Variants in PCDHA10 observed in about 807,000 individuals in gnomAD.
PCDHA10 encodes protocadherin alpha 10, also known as protocadherin alpha-10.
PCDHA10 carries 45 observed loss-of-function variants against 61.2 expected under a neutral mutation model. That is an observed-to-expected ratio of 0.74 (90% CI 0.58 to 0.94). The LOEUF (loss-of-function observed/expected upper bound fraction) is 0.94. Ranked by LOEUF, PCDHA10 falls within the 40% of genes least tolerant of loss-of-function variation. The pLI, the probability that PCDHA10 is intolerant of heterozygous loss-of-function variation, is 0.00. For synonymous variants in PCDHA10, 602 were observed against 548.8 expected, an observed-to-expected ratio of 1.10 and a Z score of -1.35; for missense variants, 1,278 against 1,236.2, an observed-to-expected ratio of 1.03 and a Z score of -0.51.
intron 1 of PCDHA10, chr5:140,926,634 T>C (rs2083423230): frequency 6.8e-6 from 3 of 438,778 alleles, no homozygotes; most frequent in Non-Finnish European, 1.2e-5. Context: ...GCTGCGCTCC[T>C]CAACACCCGG....
intron 1 of PCDHA10, among the ~76,000 whole-genome samples, chr5:140,939,940 C>G (rs1438905083): frequency 6.6e-6 from 1 of 152,140 alleles, no homozygotes; most frequent in Non-Finnish European, 1.5e-5. Context: ...TTATCAGTTA[C>G]TGAGAAAATT....
intron 1 of PCDHA10, among the ~76,000 whole-genome samples, chr5:140,901,632 G>A (rs768343428): frequency 6.6e-5 from 10 of 152,172 alleles, no homozygotes; most frequent in Non-Finnish European, 1.3e-4. Flanking sequence ...GTCAGGTAAT[G>A]TGATTCTTCC....
chr5:140,974,302 C>G (rs782329639), intron 1 of PCDHA10, among the ~76,000 whole-genome samples: 1 of 152,176 alleles, frequency 6.6e-6, no homozygotes, highest in Non-Finnish European at 1.5e-5. Flanking sequence ...GGAGGTACAA[C>G]TGTGAGTGAG....
At chr5:140,876,061 C>T (rs782151232) in intron 1 of PCDHA10, 17 of 1,613,778 alleles carry the variant, frequency 1.1e-5, no homozygotes, top group African/African-American at 1.3e-5. Context: ...ATTAGTTCTT[C>T]GGAAGTTATT....
In PCDHA10 at chr5:140,857,764, G is replaced by T. The variant is rs552891884; in HGVS notation, c.1716G>T (p.Ala572=). The change falls in exon 1 of 4, where the codon GCG becomes GCT. Residue 572 remains alanine, a synonymous_variant. Transcript: ENST00000307360. ...PALLASPAGS[A]GGAVSELVLR... is the part of the protein sequence containing the mutation. ...TGCTGGCGTCTCCCGCTGGCAGCGC[G>T]GGCGGTGCAGTCAGTGAGCTGGTGC... 6.3e-7 allele frequency: 1 copy of T among 1,597,520 alleles called. No homozygotes were observed. The highest frequency in any genetic ancestry group is 8.6e-7 in the Non-Finnish European group (1 of 1,167,634).
intron 3 of PCDHA10, among the ~76,000 whole-genome samples, chr5:140,993,470 ACAC>A: frequency 8.7e-6 from 1 of 115,268 alleles, no homozygotes; most frequent in South Asian, 2.9e-4. Context: ...TCTCACACAC[ACAC>A]ACACACACAC....
At chr5:140,867,196 T>G (rs2049814377) in intron 1 of PCDHA10, 1 of 152,086 alleles carries the variant, frequency 6.6e-6, no homozygotes, top group Non-Finnish European at 1.5e-5. Context: ...AGACTCCACA[T>G]TCCATGTAAC....
rs371718634 is a variant in PCDHA10, at chr5:140,884,469, C to G, written c.2388+26033C>G. ...CCGCCCACCGAGGGCGCGTGCGCGCCGGGCAAGCCCACTCTAGTGTGCTCC... is the reference window on the plus strand; with the variant it reads ...CCGCCCACCGAGGGCGCGTGCGCGCGGGGCAAGCCCACTCTAGTGTGCTCC... On this transcript the variant is annotated intron_variant, in intron 1 of 3. Coordinates refer to ENST00000307360, the MANE Select transcript of PCDHA10 (RefSeq NM_018901.4). 7.7e-5 allele frequency: 124 copies of G among 1,613,648 alleles called. 1 individual carries two copies. The highest frequency in any genetic ancestry group is 9.6e-5 in the Non-Finnish European group (113 of 1,179,828).
intron 1 of PCDHA10, chr5:140,969,351 G>T: frequency 6.2e-7 from 1 of 1,612,990 alleles, no homozygotes; most frequent in Non-Finnish European, 8.5e-7. Flanking sequence ...TGGTCAGGGG[G>T]TCTTCTACAA....
intron 1 of PCDHA10, chr5:140,875,861 C>T (rs2055878739): frequency 6.2e-7 from 1 of 1,614,020 alleles, no homozygotes; most frequent in Non-Finnish European, 8.5e-7. Context: ...AACGACAACC[C>T]GCCGGTGTTC....
At chr5:141,005,130 T>C (rs2153983471) in intron 3 of PCDHA10, among the ~76,000 whole-genome samples, 1 of 152,358 alleles carries the variant, frequency 6.6e-6, no homozygotes, top group South Asian at 2.1e-4. Flanking sequence ...CAAAAGTGCC[T>C]CATTGGAGAG....
intron 3 of PCDHA10, among the ~76,000 whole-genome samples, chr5:141,002,678 C>T (rs1361402849): frequency 6.6e-6 from 1 of 152,136 alleles, no homozygotes; most frequent in Non-Finnish European, 1.5e-5. Context: ...AAAACCTATA[C>T]GACGTGCAGA....
At chr5:140,948,819 A>G (rs1332127797) in intron 1 of PCDHA10, among the ~76,000 whole-genome samples, 5 of 151,420 alleles carry the variant, frequency 3.3e-5, no homozygotes, top group Middle Eastern at 3.4e-3. Context: ...TTTCTATTTC[A>G]TTAATTTCTG....
chr5:140,901,356 T>C (rs1554189806), intron 1 of PCDHA10, among the ~76,000 whole-genome samples: 1 of 152,232 alleles, frequency 6.6e-6, no homozygotes, highest in Non-Finnish European at 1.5e-5. Context: ...GTCTTAGATT[T>C]AAGTCTTTAA....
intron 1 of PCDHA10, among the ~76,000 whole-genome samples, chr5:140,901,744 A>G (rs781984509): frequency 1.3e-5 from 2 of 152,144 alleles, no homozygotes; most frequent in Non-Finnish European, 2.9e-5. Context: ...AAGAATGTCC[A>G]TGGTATTTTG....
In PCDHA10 at chr5:140,888,521, C is replaced by T. The variant is rs191011552; in HGVS notation, c.2388+30085C>T. ...TAAAGAGTCTTGGACTTAGTTCTGACGTGAAGTTAAGTTGCTCAGTACCAA... is the reference window on the plus strand; with the variant it reads ...TAAAGAGTCTTGGACTTAGTTCTGATGTGAAGTTAAGTTGCTCAGTACCAA... On this transcript the variant is annotated intron_variant, in intron 1 of 3. Transcript: ENST00000307360. Among the ~76,000 whole-genome samples, 432 of 152,260 alleles carry T rather than the reference C, an allele frequency of 2.8e-3. 2 individuals carry two copies. The highest frequency in any genetic ancestry group is 0.014 in the Middle Eastern group (4 of 292).
chr5:140,990,524 G>T (rs782064217), intron 3 of PCDHA10, among the ~76,000 whole-genome samples: 2 of 151,978 alleles, frequency 1.3e-5, no homozygotes, highest in Non-Finnish European at 2.9e-5. Flanking sequence ...TGTCTTTTTT[G>T]ACTGTGCATC....
chr5:140,870,590 G>T, intron 1 of PCDHA10: 2 of 1,613,564 alleles, frequency 1.2e-6, no homozygotes, highest in Non-Finnish European at 1.7e-6. Flanking sequence ...CTGGTGGAGC[G>T]GCGGTTGGGC....
intron 1 of PCDHA10, among the ~76,000 whole-genome samples, chr5:140,921,757 T>C (rs1361449960): frequency 6.6e-6 from 1 of 152,122 alleles, no homozygotes; most frequent in Non-Finnish European, 1.5e-5. Context: ...GGACACTTCT[T>C]GGCTACTATT....
Sources: allele counts gnomAD v4.1 joint callset (sites outside exome capture counted in the v4.1 genomes callset), GRCh38; gene constraint gnomAD v4.1.1; transcripts MANE v1.5; gene names NCBI Gene and HGNC (gene_info 2026-07-23, HGNC 2026-07-21).